PFKM: variants seen among roughly 807,000 people sequenced by gnomAD.
PFKM encodes phosphofructokinase, muscle.
In PFKM, 58 loss-of-function variants were observed where a neutral mutation model predicts 95.5. The ratio of observed to expected loss-of-function variants is 0.61; its 90% CI spans 0.49 to 0.76. The LOEUF is 0.76. Ranked by LOEUF, PFKM falls within the 30% of genes least tolerant of loss-of-function variation. The pLI is 0.00. For synonymous variants in PFKM, 336 were observed against 357.2 expected, an observed-to-expected ratio of 0.94 and a Z score of 0.67; for missense variants, 678 against 1,005.4, an observed-to-expected ratio of 0.67 and a Z score of 4.40.
At chr12:48,130,250 A>G in intron 2 of PFKM, 113 bp from the exon 3 acceptor site, 1 of 797,824 alleles carries the variant, frequency 1.3e-6, no homozygotes, top group Non-Finnish European at 2.3e-6. Flanking sequence ...TTCAGAGAAA[A>G]GACTAAATAA....
intron 7 of PFKM, 89 bp downstream of exon 7, chr12:48,134,365 G>T (rs1252058281): frequency 7.2e-6 from 8 of 1,110,662 alleles, no homozygotes; most frequent in Non-Finnish European, 1.1e-5. Context: ...TCTCTCAGTA[G>T]CAGCAGATCT....
Position 48,145,076 on chromosome 12 carries a change from G to T in PFKM, c.2038G>T (p.Gly680Cys), listed in dbSNP as rs760120664. The T allele has an allele frequency of 2.5e-6, 4 of 1,614,192 alleles. No individual in the cohort carries two copies. The highest frequency in any genetic ancestry group is 2.5e-6 in the Non-Finnish European group (3 of 1,180,016). Residue 680 changes from glycine to cysteine, a missense_variant, in exon 21 of 23, where the codon GGC becomes TGC. Gly to Cys is a radical substitution (Grantham distance 159). Coordinates refer to ENST00000359794, the MANE Select transcript of PFKM (RefSeq NM_000289.6). This position sits in a 1 kb window ranked among gnomAD's most constrained non-coding sequence, Gnocchi z 4.3. ...TGATAGGAATTTTGCCACTAAGATG[G>T]GCGCCAAGGCTATGAACTGGATGTC... ...PFDRNFATKM[G>C]AKAMNWMSGK...
At position 48,122,755 on chromosome 12, in the gene PFKM, C is replaced by T; in HGVS notation, c.-8-12C>T. The T allele has an allele frequency of 6.2e-7, 1 of 1,613,862 alleles. No homozygotes were observed. The highest frequency in any genetic ancestry group is 8.5e-7 in the Non-Finnish European group (1 of 1,179,860). The stretch of plus-strand genomic sequence containing the variant: ...CTGCTGTGTCTTAACTGACCATTGT[C>T]TTAAATTCTAGAGTGGATCATGACC... On this transcript the variant is annotated splice_polypyrimidine_tract_variant and intron_variant, in intron 1 of 22. Coordinates refer to ENST00000359794, the MANE Select transcript of PFKM (RefSeq NM_000289.6).
At chr12:48,141,260 G>C in intron 14 of PFKM, 51 bp from the exon 15 acceptor site, 5 of 1,534,730 alleles carry the variant, frequency 3.3e-6, no homozygotes, top group Non-Finnish European at 4.5e-6. Flanking sequence ...GTCCCACACA[G>C]GCCTCCTAGT....
chr12:48,119,177 C>A, upstream of PFKM: 1 of 574,762 alleles, frequency 1.7e-6, no homozygotes, highest in Non-Finnish European at 2.2e-6. Flanking sequence ...AAGCCGCTGC[C>A]ATATCTGAGC....
chr12:48,144,200 A>C (rs754429759), intron 20 of PFKM, 43 bp downstream of exon 20: 499 of 1,291,506 alleles, frequency 3.9e-4, no homozygotes, highest in East Asian at 2.6e-3. Context: ...AGACAGCCAT[A>C]CCTGCCAACA....
intron 2 of PFKM, chr12:48,107,596 T>C: frequency 1.5e-6 from 1 of 653,530 alleles, no homozygotes; most frequent in Non-Finnish European, 2.7e-6. Context: ...CTCACTTTGA[T>C]AAAATATTGA....
At chr12:48,118,466 G>A (rs1947867445), upstream of PFKM, 1 of 1,317,222 alleles carries the variant, frequency 7.6e-7, no homozygotes, top group Non-Finnish European at 1.1e-6. Flanking sequence ...ACTTGCATTT[G>A]TATTGTTTGT....
At chr12:48,141,469 C>A in intron 15 of PFKM, 88 bp downstream of exon 15, 2 of 1,170,192 alleles carry the variant, frequency 1.7e-6, no homozygotes, top group Non-Finnish European at 2.6e-6. Flanking sequence ...TCTGCTTCAA[C>A]CACCCTGTTG....
At chr12:48,134,510 A>G (rs527681658) in intron 7 of PFKM, among the ~76,000 whole-genome samples, 4 of 152,344 alleles carry the variant, frequency 2.6e-5, no homozygotes, top group Admixed American at 2.0e-4. Flanking sequence ...TGAGGCTGGA[A>G]GCCACTGTGG....
upstream of PFKM, among the ~76,000 whole-genome samples, chr12:48,114,951 A>G (rs995030079): frequency 3.3e-5 from 5 of 152,184 alleles, no homozygotes; most frequent in Non-Finnish European, 7.3e-5. Flanking sequence ...AGGCTAAGGC[A>G]GAAGAAGGAG....
chr12:48,125,231 A>G, intron 2 of PFKM: 1 of 392,540 alleles, frequency 2.5e-6, no homozygotes, highest in Non-Finnish European at 5.0e-6. Flanking sequence ...CTACCCCTGG[A>G]AAGGACCTCA....
chr12:48,121,447 A>G (rs1565859275), intron 1 of PFKM, among the ~76,000 whole-genome samples: 1 of 152,226 alleles, frequency 6.6e-6, no homozygotes, highest in African/African-American at 2.4e-5. Flanking sequence ...CTGTCTGTTA[A>G]CACAATGCAT....
chr12:48,142,077 A>G lies in PFKM; in HGVS notation c.1653+11A>G. On this transcript the variant is annotated intron_variant, in intron 17 of 22. Coordinates refer to ENST00000359794, the MANE Select transcript of PFKM (RefSeq NM_000289.6). Reference sequence around the variant, plus strand: ...AATACTATCTGCACAGTGAGAGCCTATCACCACTTCCCATCCCTTTTGGCC... The same window carrying G: ...AATACTATCTGCACAGTGAGAGCCTGTCACCACTTCCCATCCCTTTTGGCC... 1 of 1,613,590 alleles carries G rather than the reference A, an allele frequency of 6.2e-7. No individual in the cohort carries two copies. Among genetic ancestry groups the G allele is most frequent in the Non-Finnish European group, 8.5e-7 (1 of 1,179,450 alleles).
At chr12:48,105,402 C>A (rs1946442328), upstream of PFKM, 1 of 518,956 alleles carries the variant, frequency 1.9e-6, no homozygotes, top group Middle Eastern at 3.2e-4. Flanking sequence ...AGGGAATTAC[C>A]AGGAGGCGAT....
At chr12:48,111,816 G>A (rs1947214927) in intron 3 of PFKM, among the ~76,000 whole-genome samples, 1 of 152,178 alleles carries the variant, frequency 6.6e-6, no homozygotes, top group Non-Finnish European at 1.5e-5. Context: ...TCTGGGCCAG[G>A]AACAATGGTA....
Position 48,140,869 on chromosome 12 carries a change from C to T in PFKM, c.1339C>T (p.Gln447Ter). The T allele has an allele frequency of 1.2e-6, 2 of 1,614,034 alleles. No homozygotes were observed. The highest frequency in any genetic ancestry group is 1.7e-6 in the Non-Finnish European group (2 of 1,180,004). Residue 447 changes from glutamine to a stop codon, truncating the protein, a stop_gained and splice_region_variant, in exon 14 of 23, where the codon CAG (glutamine) becomes TAG (stop). Coordinates refer to ENST00000359794, the MANE Select transcript of PFKM (RefSeq NM_000289.6). LOFTEE classifies it high-confidence loss of function. ...HDGFEGLAKGQIEEAGWSYVG... is the reference protein window; with the variant it reads ...HDGFEGLAKG ...TGGTTTCGAGGGCCTGGCCAAGGGG[C>T]AGGTATGGGGACTATTCTGGGACCT...
intron 2 of PFKM, chr12:48,125,310 A>AT (rs746672991): frequency 8.4e-3 from 2,982 of 356,960 alleles, no homozygotes; most frequent in East Asian, 0.02. Context: ...TATCTTTTTG[A>AT]TTTTTTTTTT....
intron 4 of PFKM, chr12:48,131,660 T>G (rs537606270): frequency 1.0e-5 from 5 of 490,642 alleles, no homozygotes; most frequent in African/African-American, 7.8e-5. Context: ...GACTGACACA[T>G]AAGCAGATCT....
Sources: gnomAD v4.1 joint callset for allele counts (sites outside exome capture counted in the v4.1 genomes callset) on GRCh38, gnomAD v4.1.1 for gene constraint, Gnocchi (gnomAD v3.1) non-coding constraint, MANE v1.5 for transcripts, NCBI Gene and HGNC (gene_info 2026-07-23, HGNC 2026-07-21) for gene names.